CDC14A: variants seen among roughly 807,000 people sequenced by gnomAD.
The protein encoded by CDC14A is dual specificity protein phosphatase CDC14A.
CDC14A carries 53 observed loss-of-function variants against 74.4 expected under a neutral mutation model. That is an observed-to-expected ratio of 0.71 (90% CI 0.57 to 0.89). The LOEUF is 0.89. Ranked by LOEUF, CDC14A falls within the 40% of genes least tolerant of loss-of-function variation. CDC14A has a pLI of 0.00. For synonymous variants in CDC14A, 247 were observed against 258.4 expected, an observed-to-expected ratio of 0.96 and a Z score of 0.43; for missense variants, 646 against 713.7, an observed-to-expected ratio of 0.91 and a Z score of 1.08.
chr1:100,379,772 G>A (rs1032989284), intron 3 of CDC14A, among the ~76,000 whole-genome samples: 1 of 152,160 alleles, frequency 6.6e-6, no homozygotes, highest in Non-Finnish European at 1.5e-5. Flanking sequence ...TCTGCTTCTG[G>A]TGAGTCCCTC....
chr1:100,497,905 T>G (rs1354084584), intron 13 of CDC14A, among the ~76,000 whole-genome samples, 180 bp from the exon 14 acceptor site: 1 of 142,676 alleles, frequency 7.0e-6, no homozygotes, highest in East Asian at 2.2e-4. Context: ...TCTTTAAGGT[T>G]CTTAGAACAG....
intron 3 of CDC14A, 56 bp downstream of exon 3, chr1:100,377,677 C>A: frequency 1.5e-6 from 2 of 1,318,892 alleles, no homozygotes; most frequent in South Asian, 1.2e-5. Context: ...ACCATAGGAT[C>A]TGCTCAGTGG....
Position 100,518,583 on chromosome 1 carries a change from T to C in CDC14A, c.*303T>C, listed in dbSNP as rs1650425640. On this transcript the variant is annotated 3_prime_UTR_variant, in exon 16 of 16. Transcript: ENST00000336454. ...TATTTTGGTAATACATTTATTATTA[T>C]ATTTACATGTACAGTGTTACATTAT... The C allele has an allele frequency of 4.2e-6, 1 of 236,914 alleles. No individual in the cohort carries two copies. The highest frequency in any genetic ancestry group is 5.4e-5 in the Admixed American group (1 of 18,542). 14.7% of individuals were successfully genotyped at this position (236,914 alleles called of 1,614,324 possible). A position where few individuals can be genotyped will look rare whatever the true frequency, so the allele number is the denominator to read the frequency against.
At chr1:100,459,271 G>T (rs1248149041) in intron 8 of CDC14A, among the ~76,000 whole-genome samples, 1 of 152,098 alleles carries the variant, frequency 6.6e-6, no homozygotes, top group Non-Finnish European at 1.5e-5. Context: ...TTCCTTTTTG[G>T]CTGCGTGAAC....
intron 4 of CDC14A, among the ~76,000 whole-genome samples, chr1:100,414,223 T>C (rs1190046844): frequency 6.6e-6 from 1 of 152,164 alleles, no homozygotes; most frequent in Non-Finnish European, 1.5e-5. Context: ...CCCAACACTT[T>C]GGAAGGCCAA....
chr1:100,368,673 A>G (rs1039627300), intron 2 of CDC14A, among the ~76,000 whole-genome samples: 1 of 152,206 alleles, frequency 6.6e-6, no homozygotes, highest in African/African-American at 2.4e-5. Flanking sequence ...TTTGGGGTAT[A>G]AATGATCCTG....
At chr1:100,459,086 AAC>A (rs751247467) in intron 8 of CDC14A, among the ~76,000 whole-genome samples, 43 of 129,292 alleles carry the variant, frequency 3.3e-4, no homozygotes, top group Admixed American at 2.2e-3. Flanking sequence ...CTTCTATTTA[AAC>A]ACACACACAC....
chr1:100,349,873 TG>T (rs1264346031), upstream of CDC14A, among the ~76,000 whole-genome samples: 1 of 151,876 alleles, frequency 6.6e-6, no homozygotes, highest in African/African-American at 2.4e-5. Flanking sequence ...CAGGCTGGAG[TG>T]CCGTGGCACT....
At chr1:100,478,529 G>A (rs371905869) in intron 10 of CDC14A, among the ~76,000 whole-genome samples, 252 of 152,276 alleles carry the variant, frequency 1.7e-3, no homozygotes, top group African/African-American at 5.8e-3. Context: ...CTCCCACGGG[G>A]ATTTTCAGCT....
chr1:100,446,959 A>G (rs1237950510), intron 7 of CDC14A, among the ~76,000 whole-genome samples: 1 of 152,192 alleles, frequency 6.6e-6, no homozygotes, highest in African/African-American at 2.4e-5. Flanking sequence ...TTGTCTTTCC[A>G]AAGTCCTGGG....
intron 6 of CDC14A, 68 bp downstream of exon 6, chr1:100,440,066 A>C: frequency 6.0e-5 from 69 of 1,153,894 alleles, no homozygotes; most frequent in Non-Finnish European, 7.9e-5. Context: ...GAATAATCTC[A>C]ACATCCTTAT....
chr1:100,353,793 A>G lies in CDC14A; in HGVS notation c.81A>G (p.Arg27=). Reference sequence around the variant, plus strand: ...TATATTTTGCTACTTTAAGGAATAGACCAAAAAGCACAGTAAATACCCACT... The same window carrying G: ...TATATTTTGCTACTTTAAGGAATAGGCCAAAAAGCACAGTAAATACCCACT... ...DRLYFATLRN[R]PKSTVNTHYF... is the part of the protein sequence containing the mutation. Residue 27 remains arginine (R), a synonymous_variant, in exon 2 of 16, where the codon AGA becomes AGG. Transcript: ENST00000336454. 1.1e-5 allele frequency: 17 copies of G among 1,607,366 alleles called. No individual in the cohort carries two copies. Among genetic ancestry groups the G allele is most frequent in the Non-Finnish European group, 1.4e-5 (17 of 1,175,028 alleles).
intron 15 of CDC14A, chr1:100,504,986 T>C: frequency 1.4e-6 from 2 of 1,424,356 alleles, no homozygotes; most frequent in South Asian, 2.6e-5. Flanking sequence ...TCATGTATGC[T>C]ATTATATACA....
chr1:100,411,881 G>A (rs1660756955), intron 4 of CDC14A, among the ~76,000 whole-genome samples: 1 of 152,160 alleles, frequency 6.6e-6, no homozygotes, highest in African/African-American at 2.4e-5. Flanking sequence ...TGACTGGCTG[G>A]CTACTTCAGA....
chr1:100,349,926 G>T (rs1650778303), upstream of CDC14A, among the ~76,000 whole-genome samples: 1 of 151,954 alleles, frequency 6.6e-6, no homozygotes. Flanking sequence ...GGGATTACAG[G>T]CGTGTGCCAC....
intron 15 of CDC14A, among the ~76,000 whole-genome samples, chr1:100,514,347 G>C (rs1273539909): frequency 6.6e-6 from 1 of 152,056 alleles, no homozygotes; most frequent in African/African-American, 2.4e-5. Context: ...TTTAAATTTA[G>C]AATATTCCTG....
intron 11 of CDC14A, among the ~76,000 whole-genome samples, chr1:100,492,288 C>T (rs373074848): frequency 7.8e-4 from 119 of 152,184 alleles, no homozygotes; most frequent in Middle Eastern, 6.8e-3. Flanking sequence ...TATCAACAAG[C>T]GTTGAATTCT....
intron 3 of CDC14A, among the ~76,000 whole-genome samples, chr1:100,388,552 G>A (rs1448946146): frequency 1.3e-5 from 2 of 152,084 alleles, no homozygotes; most frequent in African/African-American, 4.8e-5. Context: ...AGGAAATAAG[G>A]GCATTGGCAA....
chr1:100,419,710 T>C (rs933414807), intron 4 of CDC14A, among the ~76,000 whole-genome samples: 1 of 152,154 alleles, frequency 6.6e-6, no homozygotes. Flanking sequence ...TATTTTAAAG[T>C]TGTAACATCA....
Sources: allele counts gnomAD v4.1 joint callset (sites outside exome capture counted in the v4.1 genomes callset), GRCh38; gene constraint gnomAD v4.1.1; transcripts MANE v1.5; gene names NCBI Gene and HGNC (gene_info 2026-07-23, HGNC 2026-07-21).